Variants in CNTNAP2 observed in about 807,000 individuals in gnomAD.
CNTNAP2 encodes the protein contactin associated protein 2, also known as contactin-associated protein-like 2.
CNTNAP2 carries 98 observed loss-of-function variants against 155.2 expected under a neutral mutation model. That is an observed-to-expected ratio of 0.63 (90% CI 0.54 to 0.75). CNTNAP2 has a LOEUF of 0.75. Among genes scored for constraint, CNTNAP2 ranks in the 30% least tolerant of loss-of-function variants. CNTNAP2 has a pLI of 0.00. For missense variants in CNTNAP2, 1,727 were observed against 1,688.1 expected (o/e 1.02, Z -0.40); for synonymous variants, 651 against 631.2 (o/e 1.03, Z -0.47).
chr7:148,313,594 T>A (rs559463516), intron 21 of CNTNAP2, among the ~76,000 whole-genome samples: 9 of 152,240 alleles, frequency 5.9e-5, no homozygotes, highest in Non-Finnish European at 1.2e-4. Context: ...GTGCTGGAGA[T>A]ATGGCTGGGG....
chr7:148,201,086 T>C (rs1393046187), intron 18 of CNTNAP2, among the ~76,000 whole-genome samples: 2 of 152,236 alleles, frequency 1.3e-5, no homozygotes, highest in Non-Finnish European at 2.9e-5. Flanking sequence ...TTCTTTATAC[T>C]TCTGTCATTT....
chr7:146,232,572 T>TAA (rs1799404008), intron 1 of CNTNAP2, among the ~76,000 whole-genome samples: 1 of 151,944 alleles, frequency 6.6e-6, no homozygotes, highest in African/African-American at 2.4e-5. Flanking sequence ...ATCTATTGTT[T>TAA]TTTTGGTTTC....
At chr7:148,054,265 C>A (rs1802966109) in intron 15 of CNTNAP2, among the ~76,000 whole-genome samples, 1 of 152,138 alleles carries the variant, frequency 6.6e-6, no homozygotes, top group East Asian at 1.9e-4. Context: ...AGCCACTGCG[C>A]CCGGCTAATT....
chr7:147,016,726 G>A (rs1260536052), intron 3 of CNTNAP2, among the ~76,000 whole-genome samples: 1 of 152,022 alleles, frequency 6.6e-6, no homozygotes, highest in African/African-American at 2.4e-5. Flanking sequence ...AAGAAACTTA[G>A]GTGAATAAGG....
chr7:147,131,129 ATACCATATACATATACATG>A (rs896672596), intron 7 of CNTNAP2, among the ~76,000 whole-genome samples: 2 of 149,430 alleles, frequency 1.3e-5, no homozygotes, highest in African/African-American at 2.4e-5. Context: ...ATACATATAT[ATACCATATACATATACATG>A]TACCATATAC....
intron 1 of CNTNAP2, among the ~76,000 whole-genome samples, chr7:146,576,664 A>AT (rs1219062734): frequency 1.3e-5 from 2 of 152,164 alleles, no homozygotes; most frequent in Non-Finnish European, 1.5e-5. Flanking sequence ...CAGGTCAGAA[A>AT]ATTGGGGAAG....
chr7:148,414,526 GTTTCTAATA>G (rs1799933204), intron 23 of CNTNAP2, among the ~76,000 whole-genome samples: 1 of 142,922 alleles, frequency 7.0e-6, no homozygotes, highest in African/African-American at 2.7e-5. Flanking sequence ...TGTCCTTTCT[GTTTCTAATA>G]GCTATTGTAC....
chr7:146,776,158 A>G (rs1802386578), intron 2 of CNTNAP2, among the ~76,000 whole-genome samples: 1 of 152,154 alleles, frequency 6.6e-6, no homozygotes, highest in Non-Finnish European at 1.5e-5. Flanking sequence ...TCCCATTACT[A>G]GGAAATCTAG....
At chr7:148,076,504 C>T (rs547917761) in intron 15 of CNTNAP2, among the ~76,000 whole-genome samples, 2 of 135,210 alleles carry the variant, frequency 1.5e-5, no homozygotes, top group Non-Finnish European at 3.1e-5. Context: ...GGCCCGATCT[C>T]GGCTCACTGC....
At chr7:148,326,529 A>G (rs4726953) in intron 21 of CNTNAP2, among the ~76,000 whole-genome samples, 151,613 of 152,286 alleles carry the variant, frequency 1, 75,475 homozygotes, top group Middle Eastern at 1. Flanking sequence ...TCTCTTCTTG[A>G]AAGGATTTGA....
chr7:148,029,142 G>T (rs1400519328), intron 15 of CNTNAP2, among the ~76,000 whole-genome samples: 1 of 152,084 alleles, frequency 6.6e-6, no homozygotes, highest in South Asian at 2.1e-4. Context: ...ATTTGAGTGA[G>T]TTTTCACCAT....
intron 1 of CNTNAP2, among the ~76,000 whole-genome samples, chr7:146,578,255 C>T (rs1020581076): frequency 2.2e-4 from 34 of 152,152 alleles, no homozygotes; most frequent in Admixed American, 1.8e-3. Flanking sequence ...GGTAGTTTTG[C>T]CTGGAGCCAC....
chr7:146,434,957 G>GA (rs1377913359), intron 1 of CNTNAP2, among the ~76,000 whole-genome samples: 1 of 152,128 alleles, frequency 6.6e-6, no homozygotes, highest in African/African-American at 2.4e-5. Context: ...GCAATTCACA[G>GA]AAACTTCAAT....
At chr7:146,378,626 A>C (rs1039356354) in intron 1 of CNTNAP2, among the ~76,000 whole-genome samples, 12 of 152,204 alleles carry the variant, frequency 7.9e-5, no homozygotes, top group African/African-American at 2.9e-4. Flanking sequence ...CCAGCATTTA[A>C]CCACTATTTA....
At position 147,118,301 on chromosome 7, in the gene CNTNAP2, A is replaced by T. The variant is rs115768408; in HGVS notation, c.755-2678A>T. ...AATACAGTATTTTGGTCCAAAAATC[A>T]TAAGGCAAAAAAAGAAATGACCACT... On this transcript the variant is annotated intron_variant, in intron 5 of 23. Coordinates refer to ENST00000361727, the MANE Select transcript of CNTNAP2 (RefSeq NM_014141.6). Among the ~76,000 whole-genome samples, 400 of 152,296 alleles carry T rather than the reference A, an allele frequency of 2.6e-3. 3 individuals carry two copies. The highest frequency in any genetic ancestry group is 9.1e-3 in the African/African-American group (380 of 41,568).
At chr7:147,416,971 C>T (rs988693738) in intron 10 of CNTNAP2, among the ~76,000 whole-genome samples, 9 of 151,888 alleles carry the variant, frequency 5.9e-5, no homozygotes, top group African/African-American at 2.2e-4. Context: ...CACCTATAAT[C>T]CCAGCTACTC....
At chr7:147,592,549 A>G (rs1800757269) in intron 12 of CNTNAP2, among the ~76,000 whole-genome samples, 1 of 151,552 alleles carries the variant, frequency 6.6e-6, no homozygotes, top group African/African-American at 2.4e-5. Context: ...TATTTTTCAA[A>G]TAAACTTGAT....
intron 3 of CNTNAP2, among the ~76,000 whole-genome samples, chr7:146,946,961 A>C (rs551425021): frequency 6.6e-6 from 1 of 152,300 alleles, no homozygotes; most frequent in East Asian, 1.9e-4. Context: ...GTTCCTGTAG[A>C]TTTAGACTGC....
intron 4 of CNTNAP2, among the ~76,000 whole-genome samples, chr7:147,073,939 CAG>C (rs1322022268): frequency 6.6e-6 from 1 of 152,116 alleles, no homozygotes; most frequent in Non-Finnish European, 1.5e-5. Flanking sequence ...AAATGAAACA[CAG>C]CATCAGATAA....
Sources: gnomAD v4.1 joint callset for allele counts (sites outside exome capture counted in the v4.1 genomes callset) on GRCh38, gnomAD v4.1.1 for gene constraint, MANE v1.5 for transcripts, NCBI Gene and HGNC (gene_info 2026-07-23, HGNC 2026-07-21) for gene names.